HDAC4: variants seen among roughly 807,000 people sequenced by gnomAD.
HDAC4 encodes histone deacetylase 4.
Under a neutral mutation model 135.1 loss-of-function variants are expected in HDAC4, and 16 were observed. That is an observed-to-expected ratio of 0.12 (90% confidence interval 0.08 to 0.18). HDAC4 has a LOEUF of 0.18. Among genes scored for constraint, HDAC4 ranks in the 10% least tolerant of loss-of-function variants. HDAC4 has a pLI of 1.00. For missense variants in HDAC4, 1,143 were observed against 1,511.8 expected (o/e 0.76, Z 4.05); for synonymous variants, 685 against 653.4 (o/e 1.05, Z -0.74).
chr2:239,107,232 T>C (rs1328741353), intron 15 of HDAC4, among the ~76,000 whole-genome samples: 1 of 152,248 alleles, frequency 6.6e-6, no homozygotes, highest in African/African-American at 2.4e-5. Flanking sequence ...GCCCCCGTCC[T>C]GCCCTCAGGT....
At position 239,089,923 on chromosome 2, in the gene HDAC4, G is replaced by C. The variant is rs777639365; in HGVS notation, c.2388+86C>G. 7 of 964,544 alleles carry C rather than the reference G, an allele frequency of 7.3e-6. No individual in the cohort carries two copies. The Admixed American group carries it at 8.5e-5, about 12-fold the overall frequency. 59.7% of individuals were successfully genotyped at this position (964,544 alleles called of 1,614,324 possible). A position where few individuals can be genotyped will look rare whatever the true frequency, so the allele number is the denominator to read the frequency against. ...ACAGCCGCCTCCCAGCCTGATGAGA[G>C]GGAGACGGAGTGGGCGGCCCCTCCC... On this transcript the variant is annotated intron_variant, in intron 18 of 26. Transcript: ENST00000543185.
intron 3 of HDAC4, among the ~76,000 whole-genome samples, chr2:239,233,357 C>T (rs772822175): frequency 1.3e-5 from 2 of 151,886 alleles, no homozygotes; most frequent in South Asian, 2.1e-4. Context: ...AACTTTTTCA[C>T]GGTGACACTC....
rs62190774 is a variant in HDAC4 at position 239,162,542 on chromosome 2, G to A, written c.611+1261C>T. On this transcript the variant is annotated intron_variant, in intron 6 of 26. Coordinates refer to ENST00000543185, the MANE Select transcript of HDAC4 (RefSeq NM_001378414.1). ...ACAGATCGGGGTCTCCCCCAAAGCGGGCTCCCAGGTGCCGGTTGCCAGCGA... is the reference window on the plus strand; with the variant it reads ...ACAGATCGGGGTCTCCCCCAAAGCGAGCTCCCAGGTGCCGGTTGCCAGCGA... Among the ~76,000 whole-genome samples, 828 of 152,306 alleles carry A rather than the reference G, an allele frequency of 5.4e-3. 5 individuals carry two copies. Among genetic ancestry groups the A allele is most frequent in the Non-Finnish European group, 9.0e-3 (613 of 68,022 alleles).
intron 24 of HDAC4, among the ~76,000 whole-genome samples, chr2:239,059,067 A>G (rs1245805816): frequency 6.6e-6 from 1 of 152,246 alleles, no homozygotes; most frequent in Non-Finnish European, 1.5e-5. Context: ...ATGAGTCCTT[A>G]TGTTTGGAAA....
At chr2:239,074,293 C>T (rs1431843854) in intron 22 of HDAC4, among the ~76,000 whole-genome samples, 1 of 152,266 alleles carries the variant, frequency 6.6e-6, no homozygotes, top group African/African-American at 2.4e-5. Context: ...TTTGTGTGGA[C>T]GCTGTGTCCT....
At chr2:239,059,148 A>C (rs2032301623) in intron 24 of HDAC4, among the ~76,000 whole-genome samples, 1 of 152,250 alleles carries the variant, frequency 6.6e-6, no homozygotes, top group Non-Finnish European at 1.5e-5. Context: ...GAGAATTAAA[A>C]AGTAATGAAA....
chr2:239,158,791 C>T (rs1432728121), intron 6 of HDAC4, among the ~76,000 whole-genome samples: 1 of 152,106 alleles, frequency 6.6e-6, no homozygotes, highest in Admixed American at 6.5e-5. Flanking sequence ...CCGCCCAGCC[C>T]TGGTCACATG....
chr2:239,076,823 A>G (rs994156336), intron 22 of HDAC4, among the ~76,000 whole-genome samples: 5 of 152,172 alleles, frequency 3.3e-5, no homozygotes, highest in African/African-American at 9.7e-5. Context: ...AGACTGAAGC[A>G]AAAGCGTCCC....
At chr2:239,086,974 C>T (rs1028485644) in intron 19 of HDAC4, among the ~76,000 whole-genome samples, 3 of 152,174 alleles carry the variant, frequency 2.0e-5, no homozygotes, top group African/African-American at 7.2e-5. Context: ...ACTCCACAGA[C>T]AGCTGCGGGT....
At chr2:239,176,659 C>G in intron 4 of HDAC4, 96 bp from the exon 5 acceptor site, 1 of 1,165,122 alleles carries the variant, frequency 8.6e-7, no homozygotes, top group Non-Finnish European at 1.2e-6. Context: ...AGGCCCTACA[C>G]GTCTGCCCTG....
chr2:239,145,623 G>A (rs1375340756), intron 7 of HDAC4, among the ~76,000 whole-genome samples: 3 of 152,248 alleles, frequency 2.0e-5, no homozygotes, highest in South Asian at 2.1e-4. Flanking sequence ...CCACGGAGAC[G>A]TGTGTCACAC....
chr2:239,081,480 C>A (rs966407610), intron 21 of HDAC4, among the ~76,000 whole-genome samples: 1 of 152,262 alleles, frequency 6.6e-6, no homozygotes, highest in Non-Finnish European at 1.5e-5. Context: ...TGCGGACCCG[C>A]CGCCCTGTGT....
rs1048111214 is a variant in HDAC4 at position 239,072,961 on chromosome 2, C to A, written c.2751-4354G>T. Among the ~76,000 whole-genome samples, 10 of 152,166 alleles carry A rather than the reference C, an allele frequency of 6.6e-5. No homozygotes were observed. In the East Asian group the frequency reaches 1.7e-3, roughly 26 times the overall value. ...AGTCCCATCAGGGACGCTGAGGCAA[C>A]GGGAGGGCCCATCTCAATGCTGGGA... On this transcript the variant is annotated intron_variant, in intron 22 of 26. Coordinates refer to ENST00000543185, the MANE Select transcript of HDAC4 (RefSeq NM_001378414.1).
chr2:239,197,280 C>T (rs1330964836), intron 3 of HDAC4, among the ~76,000 whole-genome samples: 1 of 152,190 alleles, frequency 6.6e-6, no homozygotes, highest in Non-Finnish European at 1.5e-5. Context: ...TGTTGTCTTC[C>T]TCTCCCAGTA....
Position 239,111,614 on chromosome 2 carries a change from C to T in HDAC4, c.1890G>A (p.Arg630=). 6.2e-7 allele frequency: 1 copy of T among 1,610,494 alleles called. No individual in the cohort carries two copies. The highest frequency in any genetic ancestry group is 8.5e-7 in the Non-Finnish European group (1 of 1,179,088). The part of the protein sequence containing the change: ...AGIPVSFGGH[R]PLSRAQSSPA... The stretch of plus-strand genomic sequence containing the variant: ...GTGAGGACTGCGCCCGGGACAGAGG[C>T]CTGTGGCCGCCGAAGGACACGGGGA... The change falls in exon 14 of 27, where the codon AGG becomes AGA. Residue 630 remains arginine, a synonymous_variant. Coordinates refer to ENST00000543185, the MANE Select transcript of HDAC4 (RefSeq NM_001378414.1).
chr2:239,242,152 GAGAA>G (rs972326721), intron 2 of HDAC4, among the ~76,000 whole-genome samples: 9 of 145,826 alleles, frequency 6.2e-5, no homozygotes, highest in Non-Finnish European at 1.2e-4. Context: ...AAGAAAGAAA[GAGAA>G]AGAAAGAAAA....
intron 2 of HDAC4, among the ~76,000 whole-genome samples, chr2:239,261,711 G>A (rs975327223): frequency 1.6e-4 from 25 of 152,306 alleles, no homozygotes; most frequent in East Asian, 5.8e-4. Context: ...AGAGGGCCTG[G>A]TGAGATGGTG....
chr2:239,169,298 A>G (rs897462500), intron 5 of HDAC4, among the ~76,000 whole-genome samples: 2 of 152,184 alleles, frequency 1.3e-5, no homozygotes, highest in East Asian at 3.9e-4. Flanking sequence ...GGGAGGCCGG[A>G]CCCCAGGCAG....
intron 7 of HDAC4, among the ~76,000 whole-genome samples, chr2:239,145,138 TG>T (rs1156248949): frequency 1.3e-5 from 2 of 152,144 alleles, no homozygotes; most frequent in Non-Finnish European, 2.9e-5. Context: ...ATAGCTGTGT[TG>T]CTCTAAAATC....
Sources: gnomAD v4.1 joint callset for allele counts (sites outside exome capture counted in the v4.1 genomes callset) on GRCh38, gnomAD v4.1.1 for gene constraint, MANE v1.5 for transcripts, NCBI Gene and HGNC (gene_info 2026-07-23, HGNC 2026-07-21) for gene names.